MAP2K5: variants seen among roughly 807,000 people sequenced by gnomAD.
The protein encoded by MAP2K5 is mitogen-activated protein kinase kinase 5, also known as dual specificity mitogen-activated protein kinase kinase 5.
Under a neutral mutation model 83.1 loss-of-function variants are expected in MAP2K5, and 49 were observed. That is an observed-to-expected ratio of 0.59 (90% CI 0.47 to 0.75). The LOEUF (loss-of-function observed/expected upper bound fraction) is 0.75. MAP2K5 is among the 30% of genes least tolerant of loss of function. The pLI is 0.00. For missense variants in MAP2K5, 457 were observed against 557.5 expected, an observed-to-expected ratio of 0.82 and a Z score of 1.82; for synonymous variants, 202 against 191.8, an observed-to-expected ratio of 1.05 and a Z score of -0.44.
chr15:67,769,837 G>A lies in MAP2K5; in HGVS notation c.1196+174G>A, dbSNP rs2090108971. ...AAGAAATTGTTTAAATTATGTAAAC[G>A]TTATTTACACAAAGGGTCATAAGCA... On this transcript the variant is annotated intron_variant, in intron 20 of 21. Transcript: ENST00000178640. This position sits in a 1 kb window ranked among gnomAD's most constrained non-coding sequence, Gnocchi z 5.2. 5.1e-6 allele frequency: 3 copies of A among 590,326 alleles called. No individual in the cohort carries two copies. The highest frequency in any genetic ancestry group is 2.0e-5 in the African/African-American group (1 of 50,708). The allele number at this position is 590,326 out of a possible 1,614,324, so 36.6% of individuals were successfully genotyped here. A position where few individuals can be genotyped will look rare whatever the true frequency, so the allele number is the denominator to read the frequency against.
rs1414075419 is a variant in MAP2K5, at chr15:67,563,948, CAA to C, written c.252+599_252+600del. ...AACAGTTATCTGATACTGAAGTAAA[CAA>C]GAGAAAAGGGCATATTTCTAAAGCT... On this transcript the variant is annotated intron_variant, in intron 3 of 21. Transcript: ENST00000178640. This position sits in a 1 kb window ranked among gnomAD's most constrained non-coding sequence, Gnocchi z 4.5. Among the ~76,000 whole-genome samples, 1 of 152,120 alleles carries C rather than the reference CAA, an allele frequency of 6.6e-6. No homozygotes were observed. Among genetic ancestry groups the C allele is most frequent in the Non-Finnish European group, 1.5e-5 (1 of 68,014 alleles).
rs2087718244 is a variant in MAP2K5 at position 67,677,896 on chromosome 15, C to G, written c.847+13251C>G. On this transcript the variant is annotated intron_variant, in intron 13 of 21. Transcript: ENST00000178640. The surrounding 1 kb of genome is among the most constrained non-coding windows in gnomAD (Gnocchi z 4.2). ...AAAGGGCACGTTTGTTGCCTCCATT[C>G]TGAACCGAATCATGAGACTCCAGGC... is the stretch of plus-strand genomic sequence containing the variant. Among the ~76,000 whole-genome samples the G allele has an allele frequency of 6.6e-6, 1 of 152,228 alleles. No homozygotes were observed. Among genetic ancestry groups the G allele is most frequent in the African/African-American group, 2.4e-5 (1 of 41,462 alleles).
At chr15:67,776,969 C>T (rs185269154) in intron 21 of MAP2K5, among the ~76,000 whole-genome samples, 49 of 152,270 alleles carry the variant, frequency 3.2e-4, no homozygotes, top group Non-Finnish European at 4.6e-4. Flanking sequence ...AAATTACATC[C>T]GAAGTTATCT....
intron 7 of MAP2K5, among the ~76,000 whole-genome samples, chr15:67,599,167 T>C (rs2085595276): frequency 6.6e-6 from 1 of 152,218 alleles, no homozygotes; most frequent in Non-Finnish European, 1.5e-5. Flanking sequence ...TGCCACACCT[T>C]TTATACAGCT....
Position 67,725,405 on chromosome 15 carries a change from C to T in MAP2K5, c.1045-2511C>T, listed in dbSNP as rs139401218. 1.4e-3 allele frequency among the ~76,000 whole-genome samples: 209 copies of T among 152,308 alleles called. 2 individuals carry two copies. The highest frequency in any genetic ancestry group is 4.8e-3 in the African/African-American group (200 of 41,544). ...TGCTGTATCTCACTCCGTTTTAAGCCGTCCATTTACCATTGCTTAATTCTT... is the reference window on the plus strand; with the variant it reads ...TGCTGTATCTCACTCCGTTTTAAGCTGTCCATTTACCATTGCTTAATTCTT... On this transcript the variant is annotated intron_variant, in intron 16 of 21. Transcript: ENST00000178640.
intron 8 of MAP2K5, chr15:67,629,174 T>C (rs1283370782): frequency 2.4e-5 from 17 of 697,188 alleles, no homozygotes; most frequent in East Asian, 2.2e-4. Flanking sequence ...AGAGGAGAGC[T>C]AGAGAAGTGA....
chr15:67,600,843 C>A, intron 8 of MAP2K5, 94 bp downstream of exon 8: 1 of 837,252 alleles, frequency 1.2e-6, no homozygotes, highest in Non-Finnish European at 1.9e-6. Flanking sequence ...TGACCACTAA[C>A]ACTTAGATTT....
At chr15:67,673,036 C>A (rs181345108) in intron 13 of MAP2K5, among the ~76,000 whole-genome samples, 193 of 152,202 alleles carry the variant, frequency 1.3e-3, no homozygotes, top group African/African-American at 4.6e-3. Context: ...TGTTTTGGTA[C>A]CAGTACCATG....
intron 8 of MAP2K5, among the ~76,000 whole-genome samples, chr15:67,625,505 TG>T (rs1948841622): frequency 2.6e-5 from 4 of 152,256 alleles, no homozygotes; most frequent in Admixed American, 2.6e-4. Flanking sequence ...GGTGTATAGT[TG>T]TCTTTTGGTG....
chr15:67,718,181 T>C (rs1016801856), intron 16 of MAP2K5: 7 of 152,106 alleles, frequency 4.6e-5, no homozygotes, highest in African/African-American at 1.7e-4. Context: ...GAAATAGAAA[T>C]GTGAGTGAAG....
intron 1 of MAP2K5, chr15:67,548,952 C>A: frequency 8.2e-7 from 1 of 1,219,050 alleles, no homozygotes. Flanking sequence ...GACTATTATG[C>A]AAATTGCCAC....
At position 67,748,698 on chromosome 15, in the gene MAP2K5, C is replaced by T; in HGVS notation, c.1134+97C>T. 4.3e-6 allele frequency: 5 copies of T among 1,162,778 alleles called. No homozygotes were observed. The highest frequency in any genetic ancestry group is 6.4e-6 in the Non-Finnish European group (5 of 784,338). 72.0% of individuals were successfully genotyped at this position (1,162,778 alleles called of 1,614,324 possible). ...CCTAATGAAGCACAATGCCCAACATCCTTGGAGCAAGTTGTGTTGTATGGC... is the reference window on the plus strand; with the variant it reads ...CCTAATGAAGCACAATGCCCAACATTCTTGGAGCAAGTTGTGTTGTATGGC... On this transcript the variant is annotated intron_variant, in intron 19 of 21. Transcript: ENST00000178640. This position sits in a 1 kb window ranked among gnomAD's most constrained non-coding sequence, Gnocchi z 4.0.
chr15:67,774,955 T>C lies in MAP2K5; in HGVS notation c.1242+2203T>C, dbSNP rs372447327. Among the ~76,000 whole-genome samples, 4 of 152,246 alleles carry C rather than the reference T, an allele frequency of 2.6e-5. No homozygotes were observed. The highest frequency in any genetic ancestry group is 2.6e-4 in the Admixed American group (4 of 15,282). On this transcript the variant is annotated intron_variant, in intron 21 of 21. Coordinates refer to ENST00000178640, the MANE Select transcript of MAP2K5 (RefSeq NM_145160.3). This position sits in a 1 kb window ranked among gnomAD's most constrained non-coding sequence, Gnocchi z 4.9. Reference sequence around the variant, plus strand: ...GGGCAGCTGGAAATACTGGAAGTTATAGATTCACTATTTGGGAACTCTTAT... The same window carrying C: ...GGGCAGCTGGAAATACTGGAAGTTACAGATTCACTATTTGGGAACTCTTAT...
intron 1 of MAP2K5, among the ~76,000 whole-genome samples, chr15:67,547,956 A>G (rs1484884554): frequency 6.6e-6 from 1 of 152,126 alleles, no homozygotes; most frequent in East Asian, 1.9e-4. Flanking sequence ...GCCCCACTTT[A>G]TTTGCTTTAA....
At position 67,586,193 on chromosome 15, in the gene MAP2K5, TG is replaced by T. The variant is rs569745985; in HGVS notation, c.363+265del. On this transcript the variant is annotated intron_variant, in intron 5 of 21. Transcript: ENST00000178640. Reference sequence around the variant, plus strand: ...GTGTCTTCAGGATAATCCTAGGTGCTGGTATCTACAAAGATTTTAGTAAGAA... The same window carrying T: ...GTGTCTTCAGGATAATCCTAGGTGCTGTATCTACAAAGATTTTAGTAAGAA... Among the ~76,000 whole-genome samples, 13 of 152,354 alleles carry T rather than the reference TG, an allele frequency of 8.5e-5. No homozygotes were observed. In the South Asian group the frequency reaches 2.7e-3, roughly 32 times the overall value.
At chr15:67,648,566 C>T (rs544088669) in intron 11 of MAP2K5, among the ~76,000 whole-genome samples, 2 of 112,484 alleles carry the variant, frequency 1.8e-5, no homozygotes, top group South Asian at 3.5e-4. Context: ...TGTGGACATA[C>T]GTTTTCAGTT....
In MAP2K5 at chr15:67,552,100, G is replaced by T. The variant is rs1451321151; in HGVS notation, c.184+2018G>T. ...TGGGGGCGGGAGGGGGTGGATGAAT[G>T]ATCACACTTTTTACTTTGTATGTTT... is the stretch of plus-strand genomic sequence containing the variant. On this transcript the variant is annotated intron_variant, in intron 2 of 21. Transcript: ENST00000178640. The surrounding 1 kb of genome is among the most constrained non-coding windows in gnomAD (Gnocchi z 4.2). 6.6e-6 allele frequency among the ~76,000 whole-genome samples: 1 copy of T among 152,050 alleles called. No individual in the cohort carries two copies. Among genetic ancestry groups the T allele is most frequent in the East Asian group, 1.9e-4 (1 of 5,186 alleles).
intron 12 of MAP2K5, among the ~76,000 whole-genome samples, chr15:67,663,482 C>T (rs898516581): frequency 3.3e-5 from 5 of 152,130 alleles, no homozygotes; most frequent in Non-Finnish European, 7.4e-5. Flanking sequence ...AAATCCGTTA[C>T]TCAAGATGTA....
intron 9 of MAP2K5, among the ~76,000 whole-genome samples, chr15:67,631,864 A>G (rs899913626): frequency 3.9e-5 from 6 of 151,992 alleles, no homozygotes; most frequent in Admixed American, 6.6e-5. Flanking sequence ...ACAGAACCCC[A>G]TTTCCAATTT....
Sources: allele counts gnomAD v4.1 joint callset (sites outside exome capture counted in the v4.1 genomes callset), GRCh38; gene constraint gnomAD v4.1.1; non-coding constraint Gnocchi (gnomAD v3.1); transcripts MANE v1.5; gene names NCBI Gene and HGNC (gene_info 2026-07-23, HGNC 2026-07-21).